Variants in LRPAP1 observed in about 807,000 individuals in gnomAD.
The protein encoded by LRPAP1 is LDL receptor related protein associated protein 1.
A neutral mutation model predicts 39.9 loss-of-function variants in LRPAP1; 41 were observed. That is an observed-to-expected ratio of 1.03 (90% CI 0.80 to 1.33). The LOEUF is 1.33. Among genes scored for constraint, LRPAP1 ranks in the 40% most tolerant of loss-of-function variants. The probability of loss-of-function intolerance (pLI) is 0.00; values close to 1 mark genes in which losing one functional copy is unlikely to be tolerated. For missense variants in LRPAP1, 565 were observed against 482.3 expected, an observed-to-expected ratio of 1.17 and a Z score of -1.61; for synonymous variants, 263 against 212.7, an observed-to-expected ratio of 1.24 and a Z score of -2.06.
At chr4:3,525,543 C>T (rs565063561) in intron 1 of LRPAP1, among the ~76,000 whole-genome samples, 7 of 152,304 alleles carry the variant, frequency 4.6e-5, no homozygotes, top group African/African-American at 1.4e-4. Context: ...TACCATGATC[C>T]GAACTGTCTT....
At chr4:3,520,433 G>A (rs74618629) in intron 2 of LRPAP1, among the ~76,000 whole-genome samples, 1,707 of 152,298 alleles carry the variant, frequency 0.011, 15 homozygotes, top group Non-Finnish European at 0.018. Context: ...ACACCCCCAG[G>A]ACCTCCCTCT....
At position 3,504,709 on chromosome 4, in the gene LRPAP1, C is replaced by T. The variant is rs1430461835; in HGVS notation, c.*8265G>A. 7.1e-6 allele frequency among the ~76,000 whole-genome samples: 1 copy of T among 141,188 alleles called. No individual in the cohort carries two copies. Among genetic ancestry groups the T allele is most frequent in the African/African-American group, 2.6e-5 (1 of 37,748 alleles). 92.6% of individuals were successfully genotyped at this position (141,188 alleles called of 152,430 possible). On this transcript the variant is annotated 3_prime_UTR_variant, in exon 8 of 8. Transcript: ENST00000650182. ...AGGTTGCAGTGAGCCAAGATTGCGCCATTGCACTGCAGCCTGAGCAATTGA... is the reference window on the plus strand; with the variant it reads ...AGGTTGCAGTGAGCCAAGATTGCGCTATTGCACTGCAGCCTGAGCAATTGA...
chr4:3,526,148 T>C (rs1432080382), intron 1 of LRPAP1, among the ~76,000 whole-genome samples: 2 of 152,226 alleles, frequency 1.3e-5, no homozygotes, highest in South Asian at 2.1e-4. Flanking sequence ...TTAAAGCCTC[T>C]GTGGAGTCCT....
intron 7 of LRPAP1, among the ~76,000 whole-genome samples, chr4:3,514,327 G>A (rs956064671): frequency 8.5e-5 from 13 of 152,234 alleles, no homozygotes; most frequent in Non-Finnish European, 1.9e-4. Context: ...TGCCTCTGTG[G>A]CAAGGCTGTG....
rs575159362 is a variant in LRPAP1 at position 3,530,865 on chromosome 4, C to T, written c.204+1344G>A. 6.6e-5 allele frequency among the ~76,000 whole-genome samples: 10 copies of T among 152,234 alleles called. No individual in the cohort carries two copies. In the South Asian group the frequency reaches 1.7e-3, roughly 25 times the overall value. On this transcript the variant is annotated intron_variant, in intron 1 of 7. Transcript: ENST00000650182. ...AGGGAGCCGCTGGGGTTCCTGGGTC[C>T]GAGTGCACTTCCTCAGCGCCACCTC... is the stretch of plus-strand genomic sequence containing the variant.
Position 3,510,351 on chromosome 4 carries a change from C to T in LRPAP1, c.*2623G>A, listed in dbSNP as rs756837841. 2.6e-5 allele frequency: 4 copies of T among 152,172 alleles called. No homozygotes were observed. Among genetic ancestry groups the T allele is most frequent in the African/African-American group, 7.2e-5 (3 of 41,422 alleles). 9.4% of individuals were successfully genotyped at this position (152,172 alleles called of 1,614,324 possible). On this transcript the variant is annotated 3_prime_UTR_variant, in exon 8 of 8. Coordinates refer to ENST00000650182, the MANE Select transcript of LRPAP1 (RefSeq NM_002337.4). ...GCAGCTACTACTCAGGAGACTGAGG[C>T]GAGGGGATTGCTGGAGTATGGGAGG...
Position 3,509,050 on chromosome 4 carries a change from G to C in LRPAP1, c.*3924C>G, listed in dbSNP as rs542920915. The stretch of plus-strand genomic sequence containing the variant: ...CAGGATTAAAGCACCACGCACAGGT[G>C]ACAAATGAAATAAAAATACACAGTC... On this transcript the variant is annotated 3_prime_UTR_variant, in exon 8 of 8. Transcript: ENST00000650182. 2.0e-5 allele frequency: 3 copies of C among 152,342 alleles called. No homozygotes were observed. In the East Asian group the frequency reaches 5.8e-4, roughly 29 times the overall value. The allele number at this position is 152,342 out of a possible 1,614,324, so 9.4% of individuals were successfully genotyped here.
At chr4:3,522,633 G>A (rs184979477) in intron 2 of LRPAP1, among the ~76,000 whole-genome samples, 46,418 of 100,822 alleles carry the variant, frequency 0.46, 13,821 homozygotes, top group East Asian at 0.79. Flanking sequence ...GACAGACGCC[G>A]CCCCACACCC....
Position 3,511,589 on chromosome 4 carries a change from A to G in LRPAP1, c.*1385T>C, listed in dbSNP as rs980323631. On this transcript the variant is annotated 3_prime_UTR_variant, in exon 8 of 8. Transcript: ENST00000650182. ...CAACCCTGATGCGCCAACTCCCGAC[A>G]TGCTGCCTCTAGCCTTGACCTTTCT... 5 of 152,260 alleles carry G rather than the reference A, an allele frequency of 3.3e-5. No homozygotes were observed. Among genetic ancestry groups the G allele is most frequent in the Non-Finnish European group, 5.9e-5 (4 of 68,076 alleles). 9.4% of individuals were successfully genotyped at this position (152,260 alleles called of 1,614,324 possible).
intron 5 of LRPAP1, 191 bp downstream of exon 5, chr4:3,517,843 A>C: frequency 1.7e-6 from 1 of 583,960 alleles, no homozygotes; most frequent in Middle Eastern, 4.6e-4. Context: ...GGGGACGGCG[A>C]GTGACCTTCA....
At chr4:3,516,281 C>G in intron 5 of LRPAP1, 83 bp from the exon 6 acceptor site, 3 of 1,080,432 alleles carry the variant, frequency 2.8e-6, no homozygotes, top group Non-Finnish European at 4.1e-6. Context: ...GCTGAGTGTG[C>G]GTGGAGCCTA....
chr4:3,513,238 G>A (rs1193380744), intron 7 of LRPAP1, among the ~76,000 whole-genome samples: 7 of 152,214 alleles, frequency 4.6e-5, no homozygotes, highest in Non-Finnish European at 8.8e-5. Flanking sequence ...ACCAAAGAAC[G>A]CTAAGAGCCA....
intron 2 of LRPAP1, among the ~76,000 whole-genome samples, chr4:3,523,765 A>G (rs1004281408): frequency 2.7e-4 from 41 of 152,178 alleles, no homozygotes; most frequent in African/African-American, 8.0e-4. Flanking sequence ...CGCGTGTGAA[A>G]AGCAGGGCTA....
Position 3,505,545 on chromosome 4 carries a change from C to A in LRPAP1, c.*7429G>T, listed in dbSNP as rs1287776087. Among the ~76,000 whole-genome samples the A allele has an allele frequency of 6.6e-6, 1 of 152,218 alleles. No individual in the cohort carries two copies. The highest frequency in any genetic ancestry group is 1.5e-5 in the Non-Finnish European group (1 of 68,028). On this transcript the variant is annotated 3_prime_UTR_variant, in exon 8 of 8. Transcript: ENST00000650182. The stretch of plus-strand genomic sequence containing the variant: ...ACGTCCCCTGCATCCCCAACCACAC[C>A]TGGCACAACACCATGGCTGAGGTGC...
chr4:3,531,951 G>A (rs1303063609), intron 1 of LRPAP1: 9 of 551,488 alleles, frequency 1.6e-5, no homozygotes, highest in Non-Finnish European at 2.9e-5. Context: ...GCTGGGGAGG[G>A]CGACACTGAC....
intron 7 of LRPAP1, among the ~76,000 whole-genome samples, chr4:3,513,981 C>T (rs73793979): frequency 0.01 from 1,532 of 152,364 alleles, 25 homozygotes; most frequent in African/African-American, 0.035. Flanking sequence ...TAACCAACAC[C>T]GAGCTTTGCC....
chr4:3,519,025 C>G lies in LRPAP1; in HGVS notation c.472-34G>C, dbSNP rs765400340. 4.4e-6 allele frequency: 7 copies of G among 1,606,138 alleles called. No individual in the cohort carries two copies. The African/African-American group carries it at 9.3e-5, about 21-fold the overall frequency. ...GAAACAAGGCCTGGAGTGAACCCGC[C>G]GCGGGCTCGTGTGGCCAGGGCCGCT... On this transcript the variant is annotated intron_variant, in intron 3 of 7. Coordinates refer to ENST00000650182, the MANE Select transcript of LRPAP1 (RefSeq NM_002337.4).
In LRPAP1 at chr4:3,532,270, C is replaced by T. The variant is rs1730280217; in HGVS notation, c.143G>A (p.Arg48His). The T allele has an allele frequency of 1.3e-6, 2 of 1,556,090 alleles. No individual in the cohort carries two copies. The highest frequency in any genetic ancestry group is 2.7e-5 in the African/African-American group (2 of 73,476). Residue 48 changes from arginine (R) to histidine (H), a missense_variant, in exon 1 of 8, where the codon CGC becomes CAC. Arg to His is a conservative substitution (Grantham distance 29). Coordinates refer to ENST00000650182, the MANE Select transcript of LRPAP1 (RefSeq NM_002337.4). ...EKNQPKPSPK[R>H]ESGEEFRMEK... ...CATGCGGAACTCCTCTCCGGACTCG[C>T]GTTTCGGGGACGGCTTGGGCTGGTT...
chr4:3,519,977 C>A, intron 3 of LRPAP1, 95 bp downstream of exon 3: 1 of 1,470,908 alleles, frequency 6.8e-7, no homozygotes, highest in Non-Finnish European at 9.2e-7. Flanking sequence ...AACCCCGGCT[C>A]CCATGCAGAG....
Sources: gnomAD v4.1 joint callset for allele counts (sites outside exome capture counted in the v4.1 genomes callset) on GRCh38, gnomAD v4.1.1 for gene constraint, MANE v1.5 for transcripts, NCBI Gene and HGNC (gene_info 2026-07-23, HGNC 2026-07-21) for gene names.